The following CDHR3 variants were observed in gnomAD, a reference collection of about 807,000 sequenced individuals.
CDHR3 encodes cadherin related family member 3.
CDHR3 carries 79 observed loss-of-function variants against 86.6 expected under a neutral mutation model. The observed-to-expected ratio is 0.91, with a 90% CI of 0.76 to 1.10. The LOEUF is 1.10. Ranked by LOEUF, CDHR3 falls within the 50% of genes least tolerant of loss-of-function variation. The pLI is 0.00. For synonymous variants in CDHR3, 421 were observed against 402.4 expected, an observed-to-expected ratio of 1.05 and a Z score of -0.55; for missense variants, 1,081 against 1,077.6, an observed-to-expected ratio of 1.00 and a Z score of -0.04.
chr7:105,976,080 C>T (rs1406251064), intron 2 of CDHR3, among the ~76,000 whole-genome samples: 4 of 152,166 alleles, frequency 2.6e-5, no homozygotes, highest in Non-Finnish European at 5.9e-5. Context: ...TTGCAGCATG[C>T]GGTTTACATT....
chr7:105,980,983 A>G lies in CDHR3; in HGVS notation c.265A>G (p.Met89Val), dbSNP rs1829649862. ...TTTGTTTTAGGTTGTCACCACTGGG[A>G]TGGAACAACTAGATTTTGAAACAGG... is the stretch of plus-strand genomic sequence containing the variant. ...GTYFEVVTTG[M>V]EQLDFETGPN... Residue 89 changes from methionine to valine, a missense_variant, in exon 3 of 19, where the codon ATG (methionine) becomes GTG (valine). By Grantham distance (21) the Met-to-Val change is conservative (BLOSUM62 1). Transcript: ENST00000317716. 8.7e-6 allele frequency: 14 copies of G among 1,608,210 alleles called. No individual in the cohort carries two copies. The highest frequency in any genetic ancestry group is 1.1e-5 in the Non-Finnish European group (13 of 1,177,158).
chr7:106,006,065 G>A (rs955834964), intron 8 of CDHR3, among the ~76,000 whole-genome samples: 5 of 152,226 alleles, frequency 3.3e-5, no homozygotes, highest in Non-Finnish European at 5.9e-5. Flanking sequence ...GGAGGAGCAA[G>A]TCACATCTTA....
At chr7:105,985,876 CT>C (rs530937680) in intron 4 of CDHR3, among the ~76,000 whole-genome samples, 172 of 152,292 alleles carry the variant, frequency 1.1e-3, no homozygotes, top group African/African-American at 3.9e-3. Context: ...TACATGGGAA[CT>C]TTTTTTCTTC....
In CDHR3 at chr7:106,015,927, A is replaced by T; in HGVS notation, c.1328A>T (p.Asn443Ile). 6.3e-7 allele frequency: 1 copy of T among 1,598,536 alleles called. No individual in the cohort carries two copies. The highest frequency in any genetic ancestry group is 8.6e-7 in the Non-Finnish European group (1 of 1,166,848). The stretch of plus-strand genomic sequence containing the variant: ...AATGTGTTTCTATTTCCATTTTTAG[A>T]TAACGTCTACGTTTATATCCTAACA... ...VQDVAPPYYK[N>I]NVYVYILTSP... The change falls in exon 11 of 19, where the codon AAT (asparagine) becomes ATT (isoleucine). Residue 443 changes from asparagine to isoleucine, a missense_variant and splice_region_variant. Transcript: ENST00000317716.
chr7:105,964,871 C>A (rs193805), intron 1 of CDHR3, among the ~76,000 whole-genome samples: 22,436 of 152,098 alleles, frequency 0.15, 1,788 homozygotes, highest in South Asian at 0.25. Flanking sequence ...GTGAAGTGGG[C>A]CATGAGCAGT....
intron 1 of CDHR3, among the ~76,000 whole-genome samples, chr7:105,967,515 T>C (rs1401490075): frequency 1.3e-5 from 2 of 152,220 alleles, no homozygotes; most frequent in African/African-American, 4.8e-5. Context: ...TTCTAGATCC[T>C]TGAGGAATCG....
intron 6 of CDHR3, among the ~76,000 whole-genome samples, chr7:105,997,344 G>A (rs113742696): frequency 0.028 from 4,258 of 152,232 alleles, 218 homozygotes; most frequent in African/African-American, 0.096. Flanking sequence ...CAAAGAATGC[G>A]TCTGCTCCAG....
intron 14 of CDHR3, among the ~76,000 whole-genome samples, chr7:106,023,346 T>A (rs1341071202): frequency 6.6e-6 from 1 of 152,112 alleles, no homozygotes; most frequent in Non-Finnish European, 1.5e-5. Flanking sequence ...GGGAGATAGA[T>A]TACAAACAAG....
At chr7:106,000,927 GA>G (rs1044121715) in intron 6 of CDHR3, among the ~76,000 whole-genome samples, 7 of 118,422 alleles carry the variant, frequency 5.9e-5, no homozygotes, top group African/African-American at 9.1e-5. Flanking sequence ...AGACAAGGAA[GA>G]AAAAAAAGTG....
At chr7:106,023,365 T>C (rs1836866397) in intron 14 of CDHR3, among the ~76,000 whole-genome samples, 1 of 152,094 alleles carries the variant, frequency 6.6e-6, no homozygotes, top group African/African-American at 2.4e-5. Flanking sequence ...AGTATTCAAA[T>C]TGACAAAGTA....
Position 106,034,799 on chromosome 7 carries a change from C to T in CDHR3, c.*2102C>T, listed in dbSNP as rs1015522245. ...GCCCATTAAGAATGATTAAAAGGGCCGGGTGAGGTGGCTCATGCCTGTAAT... is the reference window on the plus strand; with the variant it reads ...GCCCATTAAGAATGATTAAAAGGGCTGGGTGAGGTGGCTCATGCCTGTAAT... On this transcript the variant is annotated 3_prime_UTR_variant, in exon 19 of 19. Coordinates refer to ENST00000317716, the MANE Select transcript of CDHR3 (RefSeq NM_152750.5). Among the ~76,000 whole-genome samples the T allele has an allele frequency of 1.3e-5, 2 of 152,136 alleles. No individual in the cohort carries two copies. The highest frequency in any genetic ancestry group is 4.8e-5 in the African/African-American group (2 of 41,428).
chr7:106,024,893 A>G (rs1837124980), intron 15 of CDHR3, among the ~76,000 whole-genome samples: 1 of 152,188 alleles, frequency 6.6e-6, no homozygotes. Context: ...GTAAATAGCG[A>G]TAGAATATGC....
At position 106,030,924 on chromosome 7, in the gene CDHR3, C is replaced by A; in HGVS notation, c.2353+84C>A. The A allele has an allele frequency of 7.6e-7, 1 of 1,322,740 alleles. No individual in the cohort carries two copies. The highest frequency in any genetic ancestry group is 1.1e-6 in the Non-Finnish European group (1 of 938,352). The allele number at this position is 1,322,740 out of a possible 1,614,324, so 81.9% of individuals were successfully genotyped here. ...ATGGAGGATCTTATCCAATTTCCTG[C>A]TTTTAGCTCATTTTGTCAATCCGTT... On this transcript the variant is annotated intron_variant, in intron 18 of 18. Transcript: ENST00000317716. This position sits in a 1 kb window ranked among gnomAD's most constrained non-coding sequence, Gnocchi z 4.8.
At chr7:105,974,195 A>G (rs539884350) in intron 1 of CDHR3, among the ~76,000 whole-genome samples, 7 of 152,312 alleles carry the variant, frequency 4.6e-5, no homozygotes, top group African/African-American at 1.7e-4. Context: ...AGGCAGCCCA[A>G]GGCAATTCAC....
intron 1 of CDHR3, among the ~76,000 whole-genome samples, chr7:105,969,986 C>G (rs1400326294): frequency 6.6e-6 from 1 of 152,074 alleles, no homozygotes; most frequent in African/African-American, 2.4e-5. Context: ...CAAGCAGTGG[C>G]AAAGCTAAGA....
chr7:106,020,991 A>G (rs1585817015), intron 13 of CDHR3, among the ~76,000 whole-genome samples: 2 of 152,154 alleles, frequency 1.3e-5, no homozygotes, highest in East Asian at 3.9e-4. Flanking sequence ...GTTAGAAAAA[A>G]TGCAGTCCAA....
chr7:106,014,776 G>A lies in CDHR3; in HGVS notation c.1225-335G>A, dbSNP rs571857938. 4.6e-5 allele frequency among the ~76,000 whole-genome samples: 7 copies of A among 152,310 alleles called. No individual in the cohort carries two copies. The South Asian group carries it at 1.0e-3, about 23-fold the overall frequency. On this transcript the variant is annotated intron_variant, in intron 9 of 18. Transcript: ENST00000317716. ...AGCAAAACCACAGATAATAAGGGGGGACTACTATAATGAAACAGCCCTGCA... is the reference window on the plus strand; with the variant it reads ...AGCAAAACCACAGATAATAAGGGGGAACTACTATAATGAAACAGCCCTGCA...
At chr7:106,008,974 G>A (rs892840518) in intron 8 of CDHR3, among the ~76,000 whole-genome samples, 7 of 152,188 alleles carry the variant, frequency 4.6e-5, no homozygotes, top group African/African-American at 1.4e-4. Context: ...GCTTCCTGCA[G>A]TCCAGAGTCC....
chr7:105,992,668 T>C (rs1015167978), intron 4 of CDHR3, among the ~76,000 whole-genome samples: 1 of 152,222 alleles, frequency 6.6e-6, no homozygotes, highest in Non-Finnish European at 1.5e-5. Flanking sequence ...CTAACCAGGC[T>C]ATAAAATAAG....
Sources: allele counts gnomAD v4.1 joint callset (sites outside exome capture counted in the v4.1 genomes callset), GRCh38; gene constraint gnomAD v4.1.1; non-coding constraint Gnocchi (gnomAD v3.1); transcripts MANE v1.5; gene names NCBI Gene and HGNC (gene_info 2026-07-23, HGNC 2026-07-21).